Variants in SULT1C3 observed in about 807,000 individuals in gnomAD.
SULT1C3 encodes the protein sulfotransferase family 1C member 3, also known as sulfotransferase 1C3.
A neutral mutation model predicts 28.4 loss-of-function variants in SULT1C3; 31 were observed. That is an observed-to-expected ratio of 1.09 (90% CI 0.82 to 1.47). SULT1C3 has a LOEUF of 1.47. SULT1C3 is among the 40% of genes most tolerant of loss of function. The probability of loss-of-function intolerance (pLI) is 0.00; values close to 1 mark genes in which losing one functional copy is unlikely to be tolerated. For missense variants in SULT1C3, 307 were observed against 272.5 expected (o/e 1.13, Z -0.89); for synonymous variants, 106 against 92.2 (o/e 1.15, Z -0.86).
intron 2 of SULT1C3, among the ~76,000 whole-genome samples, chr2:108,250,235 A>C (rs886919686): frequency 8.2e-5 from 12 of 146,108 alleles, no homozygotes; most frequent in Admixed American, 6.8e-4. Flanking sequence ...AACAAAAAAC[A>C]AAAAAAAAAT....
intron 4 of SULT1C3, among the ~76,000 whole-genome samples, chr2:108,254,801 ATATATATG>A (rs1675828439): frequency 6.6e-6 from 1 of 150,912 alleles, no homozygotes. Flanking sequence ...GTATGTATGC[ATATATATG>A]TATATATGTG....
intron 5 of SULT1C3, among the ~76,000 whole-genome samples, chr2:108,257,945 T>C (rs913842840): frequency 2.6e-4 from 40 of 152,050 alleles, no homozygotes; most frequent in Admixed American, 4.6e-4. Context: ...ACTGCAAACT[T>C]ACATCTCTGT....
At chr2:108,254,917 A>G (rs964534883) in intron 4 of SULT1C3, among the ~76,000 whole-genome samples, 3 of 151,726 alleles carry the variant, frequency 2.0e-5, no homozygotes, top group African/African-American at 7.3e-5. Flanking sequence ...TCTCATACAA[A>G]TATCAAGGAA....
intron 1 of SULT1C3, among the ~76,000 whole-genome samples, chr2:108,241,914 G>A (rs1675470505): frequency 7.4e-6 from 1 of 135,400 alleles, no homozygotes; most frequent in Admixed American, 7.5e-5. Context: ...GTGACAAAGT[G>A]AGACTCCATC....
chr2:108,265,299 ACTAC>A, downstream of SULT1C3: 1 of 1,614,028 alleles, frequency 6.2e-7, no homozygotes, highest in Non-Finnish European at 8.5e-7. Context: ...TTTGACAAGG[ACTAC>A]CAGAAGAAGA....
chr2:108,245,222 C>T (rs1273485311), intron 1 of SULT1C3, among the ~76,000 whole-genome samples: 1 of 152,100 alleles, frequency 6.6e-6, no homozygotes, highest in Non-Finnish European at 1.5e-5. Context: ...AACTTTTGGG[C>T]CTTAGTCATA....
At chr2:108,254,313 C>G (rs574270520) in intron 4 of SULT1C3, among the ~76,000 whole-genome samples, 1 of 152,030 alleles carries the variant, frequency 6.6e-6, no homozygotes. Context: ...ATGCTCTCAT[C>G]TGACTCAAGC....
downstream of SULT1C3, among the ~76,000 whole-genome samples, chr2:108,261,272 T>C (rs1388192682): frequency 6.6e-6 from 1 of 152,118 alleles, no homozygotes; most frequent in Non-Finnish European, 1.5e-5. Flanking sequence ...AGAGTTTGAG[T>C]TGGAGAAATT....
intron 2 of SULT1C3, among the ~76,000 whole-genome samples, chr2:108,249,613 T>C (rs975524092): frequency 1.3e-5 from 2 of 152,164 alleles, no homozygotes; most frequent in East Asian, 3.9e-4. Flanking sequence ...AGAGAAATTG[T>C]ATAAGACTTA....
intron 5 of SULT1C3, among the ~76,000 whole-genome samples, chr2:108,257,556 C>T (rs1325756902): frequency 6.6e-6 from 1 of 151,836 alleles, no homozygotes; most frequent in Non-Finnish European, 1.5e-5. Flanking sequence ...CACAATCAAC[C>T]CCAATCCAAA....
Position 108,255,712 on chromosome 2 carries a change from G to A in SULT1C3, c.526+14G>A, listed in dbSNP as rs772986961. On this transcript the variant is annotated intron_variant, in intron 5 of 7. Transcript: ENST00000681802. Reference sequence around the variant, plus strand: ...TGTCCGGAAAAGGTGAGTTCAAACTGATCTTTTTGGTACCCTCTTTCAGGT... The same window carrying A: ...TGTCCGGAAAAGGTGAGTTCAAACTAATCTTTTTGGTACCCTCTTTCAGGT... 1.2e-6 allele frequency: 2 copies of A among 1,606,582 alleles called. No homozygotes were observed. Among genetic ancestry groups the A allele is most frequent in the South Asian group, 2.2e-5 (2 of 90,344 alleles).
At chr2:108,242,214 A>G (rs1185035866) in intron 1 of SULT1C3, among the ~76,000 whole-genome samples, 2 of 152,196 alleles carry the variant, frequency 1.3e-5, no homozygotes, top group Admixed American at 1.3e-4. Context: ...TCTTAAAGCC[A>G]TGTGAACTAA....
downstream of SULT1C3, among the ~76,000 whole-genome samples, chr2:108,262,679 T>C (rs1573228735): frequency 6.6e-6 from 1 of 152,200 alleles, no homozygotes; most frequent in African/African-American, 2.4e-5. Context: ...CTTCATCTTC[T>C]AGAGGCATAT....
At chr2:108,253,179 G>T (rs1558664230) in intron 3 of SULT1C3, among the ~76,000 whole-genome samples, 166 bp from the exon 4 acceptor site, 2 of 152,066 alleles carry the variant, frequency 1.3e-5, no homozygotes, top group East Asian at 3.9e-4. Flanking sequence ...CTCCTAGAAG[G>T]TTAGGCAGGA....
chr2:108,252,802 C>T (rs1675764705), intron 3 of SULT1C3, among the ~76,000 whole-genome samples: 1 of 151,910 alleles, frequency 6.6e-6, no homozygotes, highest in Non-Finnish European at 1.5e-5. Context: ...GTGGAAAGGC[C>T]AGAAATTAGC....
chr2:108,255,476 T>C lies in SULT1C3; in HGVS notation c.400-96T>C, dbSNP rs1288478941. ...TAATGTATCTAATGCTATAAACTTATAGGATATGGTTACCATTGTATTGAA... is the reference window on the plus strand; with the variant it reads ...TAATGTATCTAATGCTATAAACTTACAGGATATGGTTACCATTGTATTGAA... On this transcript the variant is annotated intron_variant, in intron 4 of 7. Coordinates refer to ENST00000681802, the MANE Select transcript of SULT1C3 (RefSeq NM_001320878.2). 13 of 1,394,066 alleles carry C rather than the reference T, an allele frequency of 9.3e-6. No individual in the cohort carries two copies. In the South Asian group the frequency reaches 1.1e-4, roughly 12 times the overall value. 86.4% of individuals were successfully genotyped at this position (1,394,066 alleles called of 1,614,324 possible). A position where few individuals can be genotyped will look rare whatever the true frequency, so the allele number is the denominator to read the frequency against.
At chr2:108,258,913 C>T in intron 6 of SULT1C3, 53 bp from the exon 7 acceptor site, 1 of 1,053,004 alleles carries the variant, frequency 9.5e-7, no homozygotes, top group Non-Finnish European at 1.4e-6. Context: ...TTTAATTGGC[C>T]AAGTTCTTCT....
intron 5 of SULT1C3, among the ~76,000 whole-genome samples, chr2:108,256,001 C>A (rs1287240884): frequency 6.6e-6 from 1 of 152,014 alleles, no homozygotes; most frequent in African/African-American, 2.4e-5. Flanking sequence ...AAAGACCTGG[C>A]AGTGGGAAGG....
chr2:108,241,407 A>G (rs1294874049), intron 1 of SULT1C3, among the ~76,000 whole-genome samples: 1 of 152,234 alleles, frequency 6.6e-6, no homozygotes, highest in African/African-American at 2.4e-5. Context: ...GGTTCACAAT[A>G]TGTACCTTAC....
Sources: gnomAD v4.1 joint callset for allele counts (sites outside exome capture counted in the v4.1 genomes callset) on GRCh38, gnomAD v4.1.1 for gene constraint, MANE v1.5 for transcripts, NCBI Gene and HGNC (gene_info 2026-07-23, HGNC 2026-07-21) for gene names.